PCDH15: variants seen among roughly 807,000 people sequenced by gnomAD.
PCDH15 encodes the protein protocadherin related 15, also known as protocadherin-15.
PCDH15 carries 129 observed loss-of-function variants against 178.5 expected under a neutral mutation model. That is an observed-to-expected ratio of 0.72 (90% CI 0.63 to 0.84). The LOEUF is 0.84. PCDH15 is among the 40% of genes least tolerant of loss of function. PCDH15 has a pLI of 0.00. For missense variants in PCDH15, 2,230 were observed against 2,099.9 expected (o/e 1.06, Z -1.21); for synonymous variants, 800 against 732.0 (o/e 1.09, Z -1.50).
intron 2 of PCDH15, among the ~76,000 whole-genome samples, chr10:55,400,050 T>C (rs1428138303): frequency 1.3e-5 from 2 of 152,134 alleles, no homozygotes; most frequent in Non-Finnish European, 2.9e-5. Context: ...TTATTAACAA[T>C]CTATGTGTTC....
intron 1 of PCDH15, among the ~76,000 whole-genome samples, chr10:55,255,940 G>T (rs1055995801): frequency 6.6e-6 from 1 of 152,154 alleles, no homozygotes; most frequent in Admixed American, 6.5e-5. Context: ...CTGTGCAGAA[G>T]CTGTTTAGTT....
At chr10:54,094,880 G>C (rs2094671537) in intron 15 of PCDH15, among the ~76,000 whole-genome samples, 1 of 152,100 alleles carries the variant, frequency 6.6e-6, no homozygotes, top group Non-Finnish European at 1.5e-5. Context: ...TTTTTCAGAA[G>C]CACCAATAGG....
intron 1 of PCDH15, among the ~76,000 whole-genome samples, chr10:54,679,207 A>AC (rs1315633559): frequency 1.1e-4 from 16 of 151,524 alleles, no homozygotes; most frequent in Admixed American, 5.9e-4. Flanking sequence ...AAAAAAAAAA[A>AC]AAAACATACA....
At chr10:55,308,618 AACTTCAAATAT>A (rs1258159925) in intron 1 of PCDH15, among the ~76,000 whole-genome samples, 252 of 152,280 alleles carry the variant, frequency 1.7e-3, no homozygotes, top group African/African-American at 5.7e-3. Context: ...ATAAAACTAG[AACTTCAAATAT>A]ACTTATATCT....
intron 2 of PCDH15, among the ~76,000 whole-genome samples, chr10:54,630,006 A>T (rs2093658946): frequency 1.3e-5 from 2 of 152,160 alleles, no homozygotes; most frequent in Non-Finnish European, 2.9e-5. Context: ...CACAAAAAAA[A>T]TTAAGTAGGA....
chr10:55,432,495 C>T (rs1401730089), intron 2 of PCDH15, among the ~76,000 whole-genome samples: 1 of 152,056 alleles, frequency 6.6e-6, no homozygotes, highest in Admixed American at 6.6e-5. Flanking sequence ...AGTTGGAGAC[C>T]TGTTTGGAGA....
At chr10:55,295,996 C>A (rs146239851) in intron 1 of PCDH15, among the ~76,000 whole-genome samples, 260 of 152,242 alleles carry the variant, frequency 1.7e-3, no homozygotes, top group South Asian at 3.9e-3. Context: ...GTTCCCACAA[C>A]CCTCTTCTTA....
At chr10:53,811,495 C>T (rs2075863107) in intron 36 of PCDH15, 54 bp downstream of exon 36, 4 of 1,038,806 alleles carry the variant, frequency 3.9e-6, no homozygotes, top group Non-Finnish European at 5.4e-6. Context: ...TAATAATTTC[C>T]TATTAATAAA....
chr10:55,367,314 C>T (rs1441384271), intron 2 of PCDH15, among the ~76,000 whole-genome samples: 1 of 152,236 alleles, frequency 6.6e-6, no homozygotes, highest in East Asian at 1.9e-4. Flanking sequence ...GATGCCTCGG[C>T]TCACACATGT....
intron 25 of PCDH15, among the ~76,000 whole-genome samples, chr10:53,921,624 T>C (rs1399135066): frequency 6.6e-6 from 1 of 152,152 alleles, no homozygotes; most frequent in Non-Finnish European, 1.5e-5. Context: ...TGCTTGAAGG[T>C]CATTGACCTC....
intron 1 of PCDH15, among the ~76,000 whole-genome samples, chr10:54,755,977 T>G (rs1656454103): frequency 6.6e-6 from 1 of 151,336 alleles, no homozygotes; most frequent in East Asian, 2.0e-4. Context: ...TCCCAGCACT[T>G]TGGCAGCGGG....
intron 2 of PCDH15, among the ~76,000 whole-genome samples, chr10:55,598,883 A>T (rs534605654): frequency 1.3e-5 from 2 of 152,116 alleles, no homozygotes; most frequent in Admixed American, 6.5e-5. Context: ...GTGTAGCTTA[A>T]CCCAAAGCAC....
intron 2 of PCDH15, among the ~76,000 whole-genome samples, chr10:55,149,149 T>C (rs1231855376): frequency 3.4e-5 from 5 of 147,232 alleles, no homozygotes; most frequent in Non-Finnish European, 7.5e-5. Context: ...AATATGTCTA[T>C]CTAGTTTATA....
intron 10 of PCDH15, among the ~76,000 whole-genome samples, chr10:54,203,590 C>A (rs1466288644): frequency 6.6e-6 from 1 of 152,118 alleles, no homozygotes; most frequent in Non-Finnish European, 1.5e-5. Context: ...TGACAACATT[C>A]TGAGTAATAG....
At chr10:53,901,633 C>G (rs2082340926) in intron 26 of PCDH15, among the ~76,000 whole-genome samples, 1 of 152,252 alleles carries the variant, frequency 6.6e-6, no homozygotes, top group South Asian at 2.1e-4. Context: ...TTCCAACACA[C>G]CTAGAACGAA....
chr10:54,318,933 G>A (rs1479440317), intron 7 of PCDH15, among the ~76,000 whole-genome samples: 1 of 152,044 alleles, frequency 6.6e-6, no homozygotes, highest in Admixed American at 6.6e-5. Context: ...TCTTTGGAAG[G>A]AAATCATGAT....
chr10:55,163,640 C>A (rs1839118685), intron 2 of PCDH15, among the ~76,000 whole-genome samples: 1 of 152,062 alleles, frequency 6.6e-6, no homozygotes, highest in African/African-American at 2.4e-5. Flanking sequence ...ACAAAATCTG[C>A]CCAAACCAAG....
rs183839350 is a variant in PCDH15, at chr10:54,300,606, T to C, written c.876+16665A>G. Among the ~76,000 whole-genome samples, 255 of 152,140 alleles carry C rather than the reference T, an allele frequency of 1.7e-3. 1 individual carries two copies. Among genetic ancestry groups the C allele is most frequent in the African/African-American group, 6.0e-3 (248 of 41,510 alleles). On this transcript the variant is annotated intron_variant, in intron 8 of 37. Coordinates refer to ENST00000644397, the MANE Select transcript of PCDH15 (RefSeq NM_001384140.1). ...CCTAACAGAAGTTGGGGTGTCCTGT[T>C]TAGAGGAGGGATTGAGAGGTGAAGC...
chr10:54,221,991 G>A (rs1029809300), intron 9 of PCDH15, among the ~76,000 whole-genome samples: 1 of 152,104 alleles, frequency 6.6e-6, no homozygotes, highest in Non-Finnish European at 1.5e-5. Context: ...TTTATCAATA[G>A]TTTATTTATT....
Sources: gnomAD v4.1 joint callset for allele counts (sites outside exome capture counted in the v4.1 genomes callset) on GRCh38, gnomAD v4.1.1 for gene constraint, MANE v1.5 for transcripts, NCBI Gene and HGNC (gene_info 2026-07-23, HGNC 2026-07-21) for gene names.